Variants in METTL15 observed in about 807,000 individuals in gnomAD.
METTL15 encodes methyltransferase 15, mitochondrial 12S rRNA N4-cytidine.
Under a neutral mutation model 38.3 loss-of-function variants are expected in METTL15, and 34 were observed. The observed-to-expected ratio is 0.89, with a 90% confidence interval of 0.68 to 1.18. The LOEUF (loss-of-function observed/expected upper bound fraction) is 1.18, where lower values mean the gene tolerates loss of function less well. Among genes scored for constraint, METTL15 ranks in the 50% most tolerant of loss-of-function variants. METTL15 has a pLI of 0.00. For synonymous variants in METTL15, 162 were observed against 170.9 expected (o/e 0.95, Z 0.41); for missense variants, 438 against 498.4 (o/e 0.88, Z 1.15).
intron 5 of METTL15, among the ~76,000 whole-genome samples, chr11:28,411,072 C>T (rs1850720185): frequency 6.6e-6 from 1 of 151,616 alleles, no homozygotes; most frequent in South Asian, 2.1e-4. Flanking sequence ...ACACTGAACA[C>T]CATAAAACAC....
At chr11:28,263,717 G>A (rs750879852) in intron 4 of METTL15, among the ~76,000 whole-genome samples, 10 of 151,966 alleles carry the variant, frequency 6.6e-5, no homozygotes, top group Non-Finnish European at 1.0e-4. Context: ...TTTTGAAGGT[G>A]CTCTGTCAGA....
intron 5 of METTL15, among the ~76,000 whole-genome samples, chr11:28,410,504 G>T (rs1392478416): frequency 3.3e-5 from 5 of 151,978 alleles, no homozygotes; most frequent in Non-Finnish European, 7.4e-5. Flanking sequence ...CACACCAACA[G>T]AATAAAAAGT....
chr11:28,109,459 G>C (rs1851623640), intron 1 of METTL15, among the ~76,000 whole-genome samples: 1 of 152,086 alleles, frequency 6.6e-6, no homozygotes, highest in Admixed American at 6.5e-5. Flanking sequence ...TCTCAAAACA[G>C]CCCATGAGAC....
chr11:28,179,172 C>G (rs1280511721), intron 3 of METTL15, among the ~76,000 whole-genome samples: 1 of 151,740 alleles, frequency 6.6e-6, no homozygotes, highest in African/African-American at 2.4e-5. Flanking sequence ...GTTTTTAGTT[C>G]AGTTGCGTTT....
At chr11:28,210,182 A>G (rs1852567812) in intron 3 of METTL15, among the ~76,000 whole-genome samples, 1 of 151,992 alleles carries the variant, frequency 6.6e-6, no homozygotes, top group Admixed American at 6.6e-5. Flanking sequence ...GATTCAATTA[A>G]CCATACTGTA....
At chr11:28,517,354 C>A (rs1404600830) in intron 6 of METTL15, 1 of 151,782 alleles carries the variant, frequency 6.6e-6, no homozygotes, top group Admixed American at 6.6e-5. Flanking sequence ...ATCCATCTAG[C>A]TTTGGATGGA....
At chr11:28,211,269 A>G in intron 4 of METTL15, 71 bp downstream of exon 4, 2 of 1,442,904 alleles carry the variant, frequency 1.4e-6, no homozygotes, top group Non-Finnish European at 9.3e-7. Context: ...ACCACCTTGG[A>G]ATTTGTTCTG....
intron 6 of METTL15, among the ~76,000 whole-genome samples, chr11:28,442,591 T>C (rs1851043968): frequency 6.6e-6 from 1 of 152,210 alleles, no homozygotes; most frequent in African/African-American, 2.4e-5. Flanking sequence ...TTATTTATAT[T>C]GCTTTACATT....
In METTL15 at chr11:28,146,273, C is replaced by T. The variant is rs150874757; in HGVS notation, c.270+32669C>T. Among the ~76,000 whole-genome samples, 483 of 151,978 alleles carry T rather than the reference C, an allele frequency of 3.2e-3. 2 individuals are homozygous for T. Among genetic ancestry groups the T allele is most frequent in the East Asian group, 0.023 (118 of 5,180 alleles). On this transcript the variant is annotated intron_variant, in intron 3 of 6. Coordinates refer to ENST00000407364, the MANE Select transcript of METTL15 (RefSeq NM_001113528.2). ...CTTTCCTTTTGATCTTGCATCCTGGCGAGTGCTTGGATATTTCTTGTGTAA... is the reference window on the plus strand; with the variant it reads ...CTTTCCTTTTGATCTTGCATCCTGGTGAGTGCTTGGATATTTCTTGTGTAA...
At chr11:28,274,414 T>C (rs149656072) in intron 4 of METTL15, among the ~76,000 whole-genome samples, 33 of 152,152 alleles carry the variant, frequency 2.2e-4, no homozygotes, top group African/African-American at 7.7e-4. Context: ...TAGTTTCTGT[T>C]CCTTCTCTGG....
chr11:28,309,794 G>T (rs933174139), intron 6 of METTL15, among the ~76,000 whole-genome samples: 7 of 151,888 alleles, frequency 4.6e-5, no homozygotes, highest in African/African-American at 1.5e-4. Flanking sequence ...GATATCCCTG[G>T]GTCATTTTTT....
intron 6 of METTL15, among the ~76,000 whole-genome samples, chr11:28,504,651 C>G (rs1424451263): frequency 1.3e-5 from 2 of 152,172 alleles, no homozygotes; most frequent in Admixed American, 6.5e-5. Flanking sequence ...CTGAGAAAAA[C>G]CTACTCAGAT....
At chr11:28,227,279 A>G (rs1853520672) in intron 4 of METTL15, among the ~76,000 whole-genome samples, 1 of 151,914 alleles carries the variant, frequency 6.6e-6, no homozygotes. Flanking sequence ...TTACAATGTA[A>G]GCAGAAATTA....
chr11:28,245,839 G>A (rs958681385), intron 4 of METTL15, among the ~76,000 whole-genome samples: 3 of 151,968 alleles, frequency 2.0e-5, no homozygotes, highest in African/African-American at 7.3e-5. Context: ...GTGCTACACA[G>A]TTTCAGACAA....
chr11:28,185,367 G>C (rs1054981045), intron 3 of METTL15, among the ~76,000 whole-genome samples: 1 of 151,292 alleles, frequency 6.6e-6, no homozygotes, highest in African/African-American at 2.4e-5. Context: ...TTCCTTAAAA[G>C]CTTGGGCAAA....
At chr11:28,157,700 G>A (rs959492996) in intron 3 of METTL15, among the ~76,000 whole-genome samples, 7 of 152,214 alleles carry the variant, frequency 4.6e-5, no homozygotes, top group Admixed American at 1.3e-4. Context: ...TGGTATCTAC[G>A]TGATCGGGCT....
At chr11:28,394,355 G>A (rs1353367302) in intron 5 of METTL15, among the ~76,000 whole-genome samples, 2 of 152,068 alleles carry the variant, frequency 1.3e-5, no homozygotes, top group Non-Finnish European at 2.9e-5. Context: ...CAAATGCTGA[G>A]GGATGTGAGT....
At chr11:28,360,764 C>A (rs111854591) in intron 4 of METTL15, among the ~76,000 whole-genome samples, 1 of 151,034 alleles carries the variant, frequency 6.6e-6, no homozygotes, top group African/African-American at 2.4e-5. Flanking sequence ...CCCATTAACT[C>A]GTCATTTAGC....
intron 4 of METTL15, among the ~76,000 whole-genome samples, chr11:28,226,933 T>A (rs756889943): frequency 2.6e-5 from 4 of 151,870 alleles, no homozygotes; most frequent in Non-Finnish European, 5.9e-5. Flanking sequence ...AAAAGACAAC[T>A]TGGAAAAATT....
Sources: allele counts gnomAD v4.1 joint callset (sites outside exome capture counted in the v4.1 genomes callset), GRCh38; gene constraint gnomAD v4.1.1; transcripts MANE v1.5; gene names NCBI Gene and HGNC (gene_info 2026-07-23, HGNC 2026-07-21).